Variants in WFS1 observed in about 807,000 individuals in gnomAD.
WFS1 encodes the protein wolframin ER transmembrane glycoprotein.
A neutral mutation model predicts 68.5 loss-of-function variants in WFS1; 90 were observed. The ratio of observed to expected loss-of-function variants is 1.31; its 90% CI spans 1.11 to 1.56. WFS1 has a LOEUF of 1.56. WFS1 is among the 40% of genes most tolerant of loss of function. The pLI is 0.00. For missense variants in WFS1, 1,767 were observed against 1,232.6 expected (o/e 1.43, Z -6.49); for synonymous variants, 860 against 540.7 (o/e 1.59, Z -8.19).
chr4:6,274,803 A>G (rs1004931901), intron 1 of WFS1, among the ~76,000 whole-genome samples: 18 of 138,726 alleles, frequency 1.3e-4, no homozygotes, highest in Non-Finnish European at 2.8e-4. Flanking sequence ...TTTGCAGTGA[A>G]TGGGCCCCGG....
At chr4:6,297,369 C>T (rs1730664853) in intron 7 of WFS1, among the ~76,000 whole-genome samples, 1 of 152,172 alleles carries the variant, frequency 6.6e-6, no homozygotes, top group South Asian at 2.1e-4. Context: ...GTGAAAATGA[C>T]AGACACCTCT....
Position 6,302,988 on chromosome 4 carries a change from G to A in WFS1, c.*520G>A, listed in dbSNP as rs573433508. 4.8e-4 allele frequency: 83 copies of A among 171,484 alleles called. No homozygotes were observed. The highest frequency in any genetic ancestry group is 1.2e-3 in the Admixed American group (22 of 18,468). The allele number at this position is 171,484 out of a possible 1,614,324, so 10.6% of individuals were successfully genotyped here. On this transcript the variant is annotated 3_prime_UTR_variant, in exon 8 of 8. Transcript: ENST00000226760. ...TGAGCCTGTCACGTGGTCAAGGCCC[G>A]GCCCCATCAGAGGCTGGGGGAGGCG... is the stretch of plus-strand genomic sequence containing the variant.
rs1040050742 is a variant in WFS1, at chr4:6,283,561, A to G, written c.233-3532A>G. ...TGCCTGTGTCTCAGGGGCTCTGCCC[A>G]CAGGGTGACCTTCCACAGTTCAAGC... is the stretch of plus-strand genomic sequence containing the variant. On this transcript the variant is annotated intron_variant, in intron 2 of 7. Transcript: ENST00000226760. This position sits in a 1 kb window ranked among gnomAD's most constrained non-coding sequence, Gnocchi z 5.0. 2.6e-5 allele frequency among the ~76,000 whole-genome samples: 4 copies of G among 152,210 alleles called. No individual in the cohort carries two copies. The highest frequency in any genetic ancestry group is 9.6e-5 in the African/African-American group (4 of 41,454).
In WFS1 at chr4:6,301,123, G is replaced by A. The variant is rs1456411802; in HGVS notation, c.1328G>A (p.Ser443Asn). Residue 443 changes from serine to asparagine, a missense_variant, in exon 8 of 8, where the codon AGC becomes AAC. Coordinates refer to ENST00000226760, the MANE Select transcript of WFS1 (RefSeq NM_006005.3). ...ATCACCGGCTTCTTTACCGTGACCA[G>A]CTACCTGAGCCTGAGCACCCATGCA... is the stretch of plus-strand genomic sequence containing the variant. ...AVITGFFTVT[S>N]YLSLSTHAEP... is the part of the protein sequence containing the mutation. 2 of 1,613,488 alleles carry A rather than the reference G, an allele frequency of 1.2e-6. No homozygotes were observed. Among genetic ancestry groups the A allele is most frequent in the African/African-American group, 1.3e-5 (1 of 75,030 alleles).
At chr4:6,295,674 C>G (rs575826901) in intron 7 of WFS1, among the ~76,000 whole-genome samples, 13 of 152,306 alleles carry the variant, frequency 8.5e-5, no homozygotes, top group African/African-American at 3.1e-4. Flanking sequence ...GGGAGCGAGG[C>G]CAGTGTGGGA....
Position 6,302,618 on chromosome 4 carries a change from T to C in WFS1, c.*150T>C, listed in dbSNP as rs1211985444. The C allele has an allele frequency of 5.5e-6, 6 of 1,090,674 alleles. No homozygotes were observed. The highest frequency in any genetic ancestry group is 3.1e-5 in the South Asian group (2 of 64,334). 67.6% of individuals were successfully genotyped at this position (1,090,674 alleles called of 1,614,324 possible). On this transcript the variant is annotated 3_prime_UTR_variant, in exon 8 of 8. Transcript: ENST00000226760. ...ACCTTGCGACCATGTGTAGATTGCG[T>C]GGACCCCGACAAAGGGAAGGCTGCT...
chr4:6,282,937 C>T (rs1055265128), intron 2 of WFS1, among the ~76,000 whole-genome samples: 3 of 152,254 alleles, frequency 2.0e-5, no homozygotes, highest in African/African-American at 7.2e-5. Context: ...GAATCCCCGT[C>T]TGCTCCCTGT....
chr4:6,302,383 T>A lies in WFS1; in HGVS notation c.2588T>A (p.Ile863Asn). ...QLSPTRRHVK[I>N]EHDWRSTVHG... is the part of the protein sequence containing the mutation. ...TCACCCACCAGGCGGCACGTGAAGA[T>A]CGAGCACGACTGGCGCAGCACCGTG... Residue 863 changes from isoleucine (I) to asparagine (N), a missense_variant, in exon 8 of 8, where the codon ATC becomes AAC. Ile to Asn is a moderately radical substitution (Grantham distance 149). Transcript: ENST00000226760. 2 of 1,613,156 alleles carry A rather than the reference T, an allele frequency of 1.2e-6. No homozygotes were observed. The highest frequency in any genetic ancestry group is 1.1e-5 in the South Asian group (1 of 91,086).
intron 7 of WFS1, among the ~76,000 whole-genome samples, chr4:6,298,389 G>A (rs1288940911): frequency 6.6e-6 from 1 of 152,248 alleles, no homozygotes; most frequent in Non-Finnish European, 1.5e-5. Flanking sequence ...GTCTTCCCTG[G>A]CCATCTCCTG....
chr4:6,285,206 C>T lies in WFS1; in HGVS notation c.233-1887C>T, dbSNP rs543339496. Among the ~76,000 whole-genome samples the T allele has an allele frequency of 3.3e-5, 5 of 151,726 alleles. No homozygotes were observed. In the South Asian group the frequency reaches 8.4e-4, roughly 26 times the overall value. ...GGAGAGTTACGTCCAGGGAGAGGGG[C>T]GTCCAGGAAGAGGGGCATTCAGGGA... On this transcript the variant is annotated intron_variant, in intron 2 of 7. Coordinates refer to ENST00000226760, the MANE Select transcript of WFS1 (RefSeq NM_006005.3).
intron 2 of WFS1, among the ~76,000 whole-genome samples, chr4:6,281,634 C>T (rs1289001706): frequency 6.6e-6 from 1 of 152,028 alleles, no homozygotes; most frequent in Admixed American, 6.5e-5. Flanking sequence ...CGGCGGGGTC[C>T]GAGCTTAGTC....
chr4:6,288,231 A>G (rs1730365780), intron 3 of WFS1, among the ~76,000 whole-genome samples: 1 of 151,884 alleles, frequency 6.6e-6, no homozygotes, highest in African/African-American at 2.4e-5. Context: ...AAAAAAAAAA[A>G]AAAATTTCTT....
At position 6,301,751 on chromosome 4, in the gene WFS1, C is replaced by T. The variant is rs772357412; in HGVS notation, c.1956C>T (p.Tyr652=). The change falls in exon 8 of 8, where the codon TAC becomes TAT. Residue 652 remains tyrosine, a synonymous_variant. Coordinates refer to ENST00000226760, the MANE Select transcript of WFS1 (RefSeq NM_006005.3). ...AIVLFCWFYV[Y]RSEGMKVYNS... ...TGCTGTTCTGCTGGTTCTATGTGTA[C>T]CGCTCAGAGGGCATGAAGGTCTACA... 16 of 1,613,860 alleles carry T rather than the reference C, an allele frequency of 9.9e-6. No homozygotes were observed. Among genetic ancestry groups the T allele is most frequent in the Non-Finnish European group, 1.4e-5 (16 of 1,180,038 alleles).
At chr4:6,299,928 G>A (rs576923147) in intron 7 of WFS1, among the ~76,000 whole-genome samples, 12 of 149,442 alleles carry the variant, frequency 8.0e-5, no homozygotes, top group Non-Finnish European at 1.6e-4. Flanking sequence ...GGGTGGGTTT[G>A]TGTGAATGCG....
At chr4:6,274,312 G>A (rs542429259) in intron 1 of WFS1, among the ~76,000 whole-genome samples, 30 of 152,100 alleles carry the variant, frequency 2.0e-4, no homozygotes, top group Admixed American at 2.0e-3. Flanking sequence ...CTCCCAAAGT[G>A]CTGGGATTAC....
intron 2 of WFS1, among the ~76,000 whole-genome samples, chr4:6,286,311 G>A (rs373919303): frequency 4.6e-5 from 7 of 152,064 alleles, no homozygotes; most frequent in East Asian, 3.9e-4. Context: ...ATGGCTTTAC[G>A]GTGGAATTAG....
intron 4 of WFS1, 100 bp downstream of exon 4, chr4:6,289,231 GTGATGCTGT>G: frequency 6.9e-7 from 1 of 1,440,588 alleles, no homozygotes; most frequent in East Asian, 2.5e-5. Context: ...CCTAACGCTG[GTGATGCTGT>G]TGGGAAATTT....
chr4:6,272,083 C>T (rs1729858866), intron 1 of WFS1, among the ~76,000 whole-genome samples: 2 of 152,236 alleles, frequency 1.3e-5, no homozygotes, highest in African/African-American at 2.4e-5. Context: ...AGTCCTCCTG[C>T]AGGATTTCTG....
chr4:6,299,345 A>G (rs921095579), intron 7 of WFS1, among the ~76,000 whole-genome samples: 2 of 152,186 alleles, frequency 1.3e-5, no homozygotes, highest in Admixed American at 1.3e-4. Context: ...CATGCAGAGC[A>G]GGGGAGCAGG....
Sources: gnomAD v4.1 joint callset for allele counts (sites outside exome capture counted in the v4.1 genomes callset) on GRCh38, gnomAD v4.1.1 for gene constraint, Gnocchi (gnomAD v3.1) non-coding constraint, MANE v1.5 for transcripts, NCBI Gene and HGNC (gene_info 2026-07-23, HGNC 2026-07-21) for gene names.